Variants in TMEM181 observed in about 807,000 individuals in gnomAD.
TMEM181 encodes the protein transmembrane protein 181.
TMEM181 carries 39 observed loss-of-function variants against 71.9 expected under a neutral mutation model. The ratio of observed to expected loss-of-function variants is 0.54; its 90% CI spans 0.42 to 0.71. The LOEUF is 0.71. Ranked by LOEUF, TMEM181 falls within the 30% of genes least tolerant of loss-of-function variation. The pLI is 0.00. For synonymous variants in TMEM181, 245 were observed against 228.8 expected, an observed-to-expected ratio of 1.07 and a Z score of -0.64; for missense variants, 595 against 583.0, an observed-to-expected ratio of 1.02 and a Z score of -0.21.
At chr6:158,573,565 G>T (rs377144559) in intron 2 of TMEM181, 42 bp downstream of exon 2, 5 of 1,509,912 alleles carry the variant, frequency 3.3e-6, no homozygotes, top group Admixed American at 3.9e-5. Context: ...TGCCATGCGC[G>T]GTGGCCCTGG....
rs1786664649 is a variant in TMEM181 at position 158,631,523 on chromosome 6, G to A, written c.1349+134G>A. The A allele has an allele frequency of 2.5e-5, 25 of 998,860 alleles. No homozygotes were observed. In the South Asian group the frequency reaches 2.6e-4, roughly 10 times the overall value. 61.9% of individuals were successfully genotyped at this position (998,860 alleles called of 1,614,324 possible). The stretch of plus-strand genomic sequence containing the variant: ...TTTACCTTGGAGTGTCAAGTGGCTC[G>A]TGGTTTTCTGTTTTCACAGTATTCA... On this transcript the variant is annotated intron_variant, in intron 16 of 16. Transcript: ENST00000684151.
At chr6:158,572,524 C>T (rs1324105267) in intron 1 of TMEM181, 8 of 455,690 alleles carry the variant, frequency 1.8e-5, no homozygotes, top group Admixed American at 2.4e-5. Context: ...CCCCTTTTGT[C>T]GATGGTTTGA....
intron 10 of TMEM181, among the ~76,000 whole-genome samples, chr6:158,613,357 T>C (rs371806641): frequency 1.3e-5 from 2 of 152,176 alleles, no homozygotes; most frequent in East Asian, 3.8e-4. Flanking sequence ...GCAGCAAGAG[T>C]AATTATTTGC....
At chr6:158,585,526 C>T (rs756198218) in intron 5 of TMEM181, 101 bp downstream of exon 5, 193 of 1,288,306 alleles carry the variant, frequency 1.5e-4, no homozygotes, top group South Asian at 3.8e-4. Context: ...TAAGAGGCTT[C>T]GAGAAATTGT....
At chr6:158,625,057 T>TCACA in intron 11 of TMEM181, 47 bp from the exon 12 acceptor site, 1 of 1,457,058 alleles carries the variant, frequency 6.9e-7, no homozygotes, top group South Asian at 1.1e-5. Context: ...GAGGAGAAGG[T>TCACA]CACAGAGGCC....
At chr6:158,615,664 G>A (rs977567790) in intron 10 of TMEM181, among the ~76,000 whole-genome samples, 1 of 152,080 alleles carries the variant, frequency 6.6e-6, no homozygotes, top group Non-Finnish European at 1.5e-5. Context: ...TTTTTGTATA[G>A]GGTGTAAGGA....
chr6:158,575,055 A>G (rs898307988), intron 2 of TMEM181, among the ~76,000 whole-genome samples: 6 of 152,206 alleles, frequency 3.9e-5, no homozygotes, highest in African/African-American at 1.4e-4. Context: ...AGGTCCACCC[A>G]CATTGGAGAG....
At chr6:158,626,055 A>T (rs9457416) in intron 13 of TMEM181, among the ~76,000 whole-genome samples, 5 of 152,102 alleles carry the variant, frequency 3.3e-5, no homozygotes, top group South Asian at 2.1e-4. Context: ...ACCAGCTGGA[A>T]GTAAGGGCAC....
intron 2 of TMEM181, among the ~76,000 whole-genome samples, chr6:158,574,649 A>AT (rs1191643908): frequency 7.9e-5 from 12 of 152,204 alleles, no homozygotes; most frequent in Non-Finnish European, 1.5e-5. Context: ...GATGTTCAGG[A>AT]TTTCTACATC....
intron 1 of TMEM181, among the ~76,000 whole-genome samples, chr6:158,545,523 C>T (rs536890956): frequency 1.3e-5 from 2 of 152,368 alleles, no homozygotes; most frequent in African/African-American, 4.8e-5. Context: ...GCCCGCTTTT[C>T]CAGCTGCTGT....
chr6:158,579,678 C>T (rs1783363795), intron 2 of TMEM181, among the ~76,000 whole-genome samples: 1 of 151,460 alleles, frequency 6.6e-6, no homozygotes, highest in African/African-American at 2.4e-5. Context: ...GAGATCCTGC[C>T]ATTGCAGTCC....
intron 6 of TMEM181, among the ~76,000 whole-genome samples, chr6:158,600,881 A>C (rs1488392080): frequency 6.6e-6 from 1 of 152,166 alleles, no homozygotes; most frequent in African/African-American, 2.4e-5. Context: ...CTTTCTTAAG[A>C]GTTACGGTTC....
intron 7 of TMEM181, among the ~76,000 whole-genome samples, chr6:158,606,715 C>G (rs547560794): frequency 1.3e-5 from 2 of 152,358 alleles, no homozygotes; most frequent in African/African-American, 4.8e-5. Context: ...GAAACGCATC[C>G]TCTGACCTTT....
rs760712617 is a variant in TMEM181, at chr6:158,614,482, A to AATT, written c.896+5733_896+5734insTTA. ...TGAAACCTTATAGACAATCCTATTT[A>AATT]AAAAAAATTTTTTTTTAATTACACT... is the stretch of plus-strand genomic sequence containing the variant. On this transcript the variant is annotated intron_variant, in intron 10 of 16. Coordinates refer to ENST00000684151, the MANE Select transcript of TMEM181 (RefSeq NM_001376852.1). Among the ~76,000 whole-genome samples the AATT allele has an allele frequency of 2.3e-3, 338 of 146,574 alleles. 2 individuals are homozygous for AATT. The highest frequency in any genetic ancestry group is 7.6e-3 in the African/African-American group (296 of 39,138).
At position 158,598,951 on chromosome 6, in the gene TMEM181, G is replaced by A. The variant is rs369919123; in HGVS notation, c.493-6316G>A. On this transcript the variant is annotated intron_variant, in intron 6 of 16. Transcript: ENST00000684151. ...GCTGGGATTACAGGCGTGAGCCACC[G>A]CACCCGGCCATTTCATGTTGTTTTT... 4.6e-5 allele frequency among the ~76,000 whole-genome samples: 7 copies of A among 152,276 alleles called. No homozygotes were observed. The East Asian group carries it at 7.7e-4, about 17-fold the overall frequency.
At chr6:158,614,074 T>A (rs1200108509) in intron 10 of TMEM181, among the ~76,000 whole-genome samples, 1 of 152,218 alleles carries the variant, frequency 6.6e-6, no homozygotes, top group Non-Finnish European at 1.5e-5. Flanking sequence ...TATGTTAATA[T>A]TATTCCCTCA....
In TMEM181 at chr6:158,606,549, A is replaced by G. The variant is rs1414267522; in HGVS notation, c.574-695A>G. Reference sequence around the variant, plus strand: ...AGATGGTCCCTAGGCAAGGAAACCCACATTGCCTAGAAAACTGTTGGCTTA... The same window carrying G: ...AGATGGTCCCTAGGCAAGGAAACCCGCATTGCCTAGAAAACTGTTGGCTTA... On this transcript the variant is annotated intron_variant, in intron 7 of 16. Transcript: ENST00000684151. Among the ~76,000 whole-genome samples, 3 of 152,260 alleles carry G rather than the reference A, an allele frequency of 2.0e-5. No homozygotes were observed. The East Asian group carries it at 5.8e-4, about 29-fold the overall frequency.
chr6:158,567,228 G>A (rs1011459452), intron 1 of TMEM181, among the ~76,000 whole-genome samples: 2 of 152,118 alleles, frequency 1.3e-5, no homozygotes, highest in African/African-American at 2.4e-5. Flanking sequence ...GCCGGCAGGG[G>A]TTTTCTAGGA....
At chr6:158,550,553 G>A (rs1460917226) in intron 1 of TMEM181, among the ~76,000 whole-genome samples, 2 of 151,872 alleles carry the variant, frequency 1.3e-5, no homozygotes, top group Non-Finnish European at 2.9e-5. Flanking sequence ...CTACTCGGGA[G>A]GCTGAGGCAA....
Sources: allele counts gnomAD v4.1 joint callset (sites outside exome capture counted in the v4.1 genomes callset), GRCh38; gene constraint gnomAD v4.1.1; transcripts MANE v1.5; gene names NCBI Gene and HGNC (gene_info 2026-07-23, HGNC 2026-07-21).